The following ANK3 variants were observed in gnomAD, a reference collection of about 807,000 sequenced individuals.
ANK3 encodes the protein ankyrin-3.
In ANK3, 57 loss-of-function variants were observed where a neutral mutation model predicts 370.9. That is an observed-to-expected ratio of 0.15 (90% CI 0.12 to 0.19). ANK3 has a LOEUF of 0.19. ANK3 is among the 10% of genes least tolerant of loss of function. The pLI is 1.00. For missense variants in ANK3, 4,439 were observed against 5,302.1 expected, an observed-to-expected ratio of 0.84 and a Z score of 5.06; for synonymous variants, 1,929 against 1,946.3, an observed-to-expected ratio of 0.99 and a Z score of 0.23.
In ANK3 at chr10:60,106,014, T is replaced by C; in HGVS notation, c.3219A>G (p.Lys1073=). The change falls in exon 28 of 44, where the codon AAA becomes AAG. Residue 1073 remains lysine, a synonymous_variant. Coordinates refer to ENST00000280772, the MANE Select transcript of ANK3 (RefSeq NM_020987.5). ...EIPHFGSMRG[K]ERELIVLRSE... is the part of the protein sequence containing the mutation. The stretch of plus-strand genomic sequence containing the variant: ...TTCGAAGAACAATGAGTTCTCTCTC[T>C]TTTCCTCTCATGGACCCAAAGTGAG... The C allele has an allele frequency of 1.2e-6, 2 of 1,612,476 alleles. No individual in the cohort carries two copies. Among genetic ancestry groups the C allele is most frequent in the Non-Finnish European group, 1.7e-6 (2 of 1,179,306 alleles).
At chr10:60,177,953 C>T (rs771567918) in intron 18 of ANK3, among the ~76,000 whole-genome samples, 4 of 152,124 alleles carry the variant, frequency 2.6e-5, no homozygotes, top group Admixed American at 6.6e-5. Flanking sequence ...TTAGTTCAGG[C>T]CTTCTTTATT....
intron 23 of ANK3, among the ~76,000 whole-genome samples, chr10:60,147,340 C>G (rs2094880230): frequency 6.6e-6 from 1 of 152,134 alleles, no homozygotes; most frequent in East Asian, 1.9e-4. Context: ...CACTTCCTGC[C>G]CCCTTCACTC....
chr10:60,622,964 A>G (rs1480972899), intron 1 of ANK3, among the ~76,000 whole-genome samples: 2 of 152,214 alleles, frequency 1.3e-5, no homozygotes, highest in Non-Finnish European at 2.9e-5. Flanking sequence ...AAACTCCTCA[A>G]AAGAATTTCC....
In ANK3 at chr10:60,074,296, TTTAGGTGACACAGG is replaced by T. The variant is rs756728296; in HGVS notation, c.6571_6584del (p.Pro2191ThrfsTer16). On this transcript the variant is annotated frameshift_variant, in exon 37 of 44. Transcript: ENST00000280772. LOFTEE classifies it high-confidence loss of function. ...CCAATTCCATAAAAGTAGGTGAAGG[TTTAGGTGACACAGG>T]CTCCTCTGGTTGGGTCTGGGGAACA... 1 of 1,613,996 alleles carries T rather than the reference TTTAGGTGACACAGG, an allele frequency of 6.2e-7. No individual in the cohort carries two copies.
chr10:60,491,968 T>A (rs1468438734), intron 2 of ANK3, among the ~76,000 whole-genome samples: 1 of 150,720 alleles, frequency 6.6e-6, no homozygotes, highest in Non-Finnish European at 1.5e-5. Flanking sequence ...CATAATGATG[T>A]CTCAGTAAAT....
chr10:60,455,075 A>G (rs1203475029), intron 2 of ANK3, among the ~76,000 whole-genome samples: 1 of 152,230 alleles, frequency 6.6e-6, no homozygotes, highest in African/African-American at 2.4e-5. Flanking sequence ...ACAACTTTCA[A>G]ACAAGATCTT....
chr10:60,099,260 A>G (rs915267776), intron 28 of ANK3, among the ~76,000 whole-genome samples: 5 of 152,154 alleles, frequency 3.3e-5, no homozygotes, highest in African/African-American at 1.2e-4. Context: ...CAGGGGGGGC[A>G]TATGCCTGAC....
chr10:60,073,571 G>A lies in ANK3; in HGVS notation c.7310C>T (p.Thr2437Ile), dbSNP rs2083189360. 1.2e-6 allele frequency: 2 copies of A among 1,614,040 alleles called. No homozygotes were observed. Among genetic ancestry groups the A allele is most frequent in the Non-Finnish European group, 1.7e-6 (2 of 1,180,004 alleles). ...AQLISDDSYK[T>I]LKLLSQHSIE... is the part of the protein sequence containing the mutation. ...TGAGTGTTGACTCAAAAGCTTCAAT[G>A]TTTTATAAGAGTCATCAGATATGAG... The change falls in exon 37 of 44, where the codon ACA becomes ATA. Residue 2437 changes from threonine (T) to isoleucine (I), a missense_variant. This residue lies in a region of ANK3 where 1,601 missense variants were observed against 1,731.7 expected (regional missense o/e 0.92). Coordinates refer to ENST00000280772, the MANE Select transcript of ANK3 (RefSeq NM_020987.5).
intron 1 of ANK3, among the ~76,000 whole-genome samples, chr10:60,328,703 G>A (rs369680410): frequency 1.3e-5 from 2 of 151,384 alleles, no homozygotes; most frequent in Non-Finnish European, 3.0e-5. Flanking sequence ...TGAATTCTAC[G>A]AAGAGGAATT....
chr10:60,543,588 T>G (rs527939907), intron 2 of ANK3, among the ~76,000 whole-genome samples: 116 of 152,176 alleles, frequency 7.6e-4, no homozygotes, highest in African/African-American at 2.7e-3. Flanking sequence ...TGAAAGGGAA[T>G]TGACAACAGT....
At chr10:60,577,833 T>C (rs1054459846) in intron 2 of ANK3, among the ~76,000 whole-genome samples, 1 of 152,180 alleles carries the variant, frequency 6.6e-6, no homozygotes, top group Non-Finnish European at 1.5e-5. Flanking sequence ...CTTTGAGTCT[T>C]CATATTGAAA....
In ANK3 at chr10:60,083,512, TATTTTCTTTGAAAG is replaced by T; in HGVS notation, c.4166_4179del (p.Ser1389Ter). Reference sequence around the variant, plus strand: ...TTTACCTTGATGGAAAATGGCAGTCTATTTTCTTTGAAAGAATAAAAGTTAAAAACAAGTTGCTG... The same window carrying T: ...TTTACCTTGATGGAAAATGGCAGTCTAATAAAAGTTAAAAACAAGTTGCTG... On this transcript the variant is annotated frameshift_variant, in exon 33 of 44. Transcript: ENST00000280772. LOFTEE classifies it high-confidence loss of function. 6.2e-7 allele frequency: 1 copy of T among 1,611,468 alleles called. No homozygotes were observed. Among genetic ancestry groups the T allele is most frequent in the Non-Finnish European group, 8.5e-7 (1 of 1,179,148 alleles).
intron 2 of ANK3, among the ~76,000 whole-genome samples, chr10:60,602,409 C>A (rs1311171805): frequency 6.6e-6 from 1 of 152,124 alleles, no homozygotes; most frequent in African/African-American, 2.4e-5. Flanking sequence ...ATGGAAAATA[C>A]ACATTTGAAA....
intron 2 of ANK3, among the ~76,000 whole-genome samples, chr10:60,424,969 G>T (rs1377523254): frequency 6.6e-6 from 1 of 152,010 alleles, no homozygotes; most frequent in Non-Finnish European, 1.5e-5. Context: ...AACTAGAGAT[G>T]GGAAATGAGT....
chr10:60,194,297 A>G (rs1387270840), intron 16 of ANK3, among the ~76,000 whole-genome samples: 2 of 152,256 alleles, frequency 1.3e-5, no homozygotes, highest in Admixed American at 6.5e-5. Flanking sequence ...TGTACAGGTC[A>G]GTAGTATTAA....
chr10:60,240,181 TACACATATATATACACAC>T (rs2097421946), intron 7 of ANK3, among the ~76,000 whole-genome samples: 2 of 139,016 alleles, frequency 1.4e-5, no homozygotes, highest in South Asian at 2.2e-4. Flanking sequence ...TATACATATA[TACACATATATATACACAC>T]ACACATATAT....
chr10:60,668,038 T>A (rs2079020427), intron 1 of ANK3, among the ~76,000 whole-genome samples: 1 of 151,580 alleles, frequency 6.6e-6, no homozygotes, highest in Non-Finnish European at 1.5e-5. Context: ...CCAGGTGACT[T>A]TGATGATGCT....
chr10:60,589,320 C>T (rs2077877925), intron 2 of ANK3, among the ~76,000 whole-genome samples: 2 of 152,104 alleles, frequency 1.3e-5, no homozygotes, highest in Non-Finnish European at 2.9e-5. Flanking sequence ...ATGAAATTTT[C>T]CATGATAAAA....
At chr10:60,669,242 A>G (rs16915340) in intron 1 of ANK3, among the ~76,000 whole-genome samples, 7,870 of 152,272 alleles carry the variant, frequency 0.052, 273 homozygotes, top group African/African-American at 0.085. Context: ...CTTCTGACAA[A>G]TGTCGGCACA....
Sources: gnomAD v4.1 joint callset for allele counts (sites outside exome capture counted in the v4.1 genomes callset) on GRCh38, gnomAD v4.1.1 for gene constraint, gnomAD v4.1.1 regional missense constraint, MANE v1.5 for transcripts, NCBI Gene and HGNC (gene_info 2026-07-23, HGNC 2026-07-21) for gene names.